The following NOTCH2NLA variants were observed in gnomAD, a reference collection of about 807,000 sequenced individuals.
NOTCH2NLA encodes the protein notch 2 N-terminal like A.
At chr1:146,159,365 G>C (rs1331942210) in intron 3 of NOTCH2NLA, among the ~76,000 whole-genome samples, 1 of 145,078 alleles carries the variant, frequency 6.9e-6, no homozygotes, top group African/African-American at 2.6e-5. Context: ...GAAAGAGAGA[G>C]GGAAAGAGAG....
chr1:146,224,220 A>C (rs1454099258), intron 1 of NOTCH2NLA, among the ~76,000 whole-genome samples: 6 of 121,498 alleles, frequency 4.9e-5, no homozygotes, highest in Admixed American at 9.2e-5. Context: ...TATCAAAATA[A>C]ATATAAACTT....
At chr1:146,186,425 G>A (rs1451390224) in intron 2 of NOTCH2NLA, among the ~76,000 whole-genome samples, 2 of 143,288 alleles carry the variant, frequency 1.4e-5, no homozygotes, top group African/African-American at 5.0e-5. Flanking sequence ...TGCAATCTTG[G>A]CTCACTGCAA....
At chr1:146,182,374 T>C (rs1662571976) in intron 2 of NOTCH2NLA, among the ~76,000 whole-genome samples, 1 of 135,760 alleles carries the variant, frequency 7.4e-6, no homozygotes, top group Non-Finnish European at 1.7e-5. Context: ...TTATTTAACT[T>C]CTCTTAGCTT....
intron 2 of NOTCH2NLA, among the ~76,000 whole-genome samples, chr1:146,174,387 GCT>G (rs10560332): frequency 0.14 from 15,349 of 111,426 alleles, 324 homozygotes; most frequent in African/African-American, 0.32. Flanking sequence ...CTTTGCTGCA[GCT>G]CTGTCTTTAG....
At chr1:146,153,956 A>G (rs1661015666), downstream of NOTCH2NLA, 2 of 140,036 alleles carry the variant, frequency 1.4e-5, no homozygotes, top group South Asian at 4.7e-4. Context: ...GGGACCCTGA[A>G]AAGCAAGAAC....
intron 3 of NOTCH2NLA, among the ~76,000 whole-genome samples, chr1:146,159,419 G>GAAAGAA (rs1661361612): frequency 6.7e-6 from 1 of 148,676 alleles, no homozygotes; most frequent in Admixed American, 6.7e-5. Context: ...AAGAAAGAAA[G>GAAAGAA]AAAGAAAGAA....
intron 2 of NOTCH2NLA, among the ~76,000 whole-genome samples, chr1:146,172,639 C>T (rs1169973117): frequency 2.6e-5 from 4 of 151,544 alleles, no homozygotes; most frequent in African/African-American, 7.3e-5. Context: ...CTGCTGTAAA[C>T]CTGTCCTATA....
At chr1:146,159,429 A>AAGAAAGAAAGAAAGAAAG (rs1644300087) in intron 3 of NOTCH2NLA, among the ~76,000 whole-genome samples, 1 of 150,378 alleles carries the variant, frequency 6.6e-6, no homozygotes, top group East Asian at 2.0e-4. Context: ...GAAAGAAAGA[A>AAGAAAGAAAGAAAGAAAG]AGAAAGAAAG....
chr1:146,170,643 CTAAAT>C (rs1164626428), intron 2 of NOTCH2NLA, among the ~76,000 whole-genome samples: 2 of 104,702 alleles, frequency 1.9e-5, no homozygotes, highest in Non-Finnish European at 3.7e-5. Context: ...CTGAAGTCTA[CTAAAT>C]TAAACACTTT....
intron 2 of NOTCH2NLA, among the ~76,000 whole-genome samples, chr1:146,185,924 CTTCT>C (rs1336403164): frequency 2.9e-5 from 4 of 135,596 alleles, no homozygotes; most frequent in African/African-American, 1.0e-4. Flanking sequence ...GCTAGATCAT[CTTCT>C]TTCTCCACAG....
At chr1:146,159,104 T>A (rs1450332254) in intron 3 of NOTCH2NLA, among the ~76,000 whole-genome samples, 3 of 152,180 alleles carry the variant, frequency 2.0e-5, no homozygotes, top group African/African-American at 7.2e-5. Context: ...ATGCCTGTAA[T>A]CCCAGCACTT....
At chr1:146,154,024 C>A (rs1173104449), downstream of NOTCH2NLA, 2 of 100,488 alleles carry the variant, frequency 2.0e-5, no homozygotes. Context: ...CACACACACA[C>A]ACACACACAC....
At chr1:146,162,402 C>G (rs1661556022) in intron 3 of NOTCH2NLA, among the ~76,000 whole-genome samples, 1 of 148,954 alleles carries the variant, frequency 6.7e-6, no homozygotes, top group Non-Finnish European at 1.5e-5. Flanking sequence ...GTGGTTAAAA[C>G]TGAGTGTGTC....
chr1:146,197,052 G>GA (rs369253629), intron 1 of NOTCH2NLA, among the ~76,000 whole-genome samples: 1 of 1,996 alleles, frequency 5.0e-4, no homozygotes, highest in South Asian at 0.014. Flanking sequence ...TGATTAAAAG[G>GA]AAAAAAAAAA....
intron 3 of NOTCH2NLA, among the ~76,000 whole-genome samples, chr1:146,158,368 A>C: frequency 6.8e-6 from 1 of 147,898 alleles, no homozygotes. Context: ...TCCTGTGTCC[A>C]AGTGTTCTCA....
rs78103010 is a variant in NOTCH2NLA at position 146,207,822 on chromosome 1, T to A, written c.-44-18441A>T. On this transcript the variant is annotated intron_variant, in intron 1 of 4. Coordinates refer to ENST00000362074, the Ensembl canonical transcript of NOTCH2NLA. ...CAGGCCCAATACCACTTTCTTTTTT[T>A]TTTTTTTTTTTTTTTTGGAGACAGG... Among the ~76,000 whole-genome samples, 137 of 84,280 alleles carry A rather than the reference T, an allele frequency of 1.6e-3. 3 individuals carry two copies. Among genetic ancestry groups the A allele is most frequent in the African/African-American group, 5.5e-3 (128 of 23,378 alleles). The allele number at this position is 84,280 out of a possible 152,430, so 55.3% of individuals were successfully genotyped here.
At chr1:146,180,668 C>T (rs1434761882) in intron 2 of NOTCH2NLA, among the ~76,000 whole-genome samples, 6 of 143,226 alleles carry the variant, frequency 4.2e-5, no homozygotes, top group African/African-American at 1.2e-4. Context: ...ATAACACAGT[C>T]GCATGTGCAC....
chr1:146,159,431 G>GAAAGAA (rs1349434709), intron 3 of NOTCH2NLA, among the ~76,000 whole-genome samples: 3 of 149,712 alleles, frequency 2.0e-5, no homozygotes, highest in Non-Finnish European at 4.5e-5. Flanking sequence ...AAGAAAGAAA[G>GAAAGAA]AAAGAAAGAA....
intron 2 of NOTCH2NLA, among the ~76,000 whole-genome samples, chr1:146,170,985 C>T (rs2596042): frequency 2.9e-5 from 4 of 140,244 alleles, no homozygotes; most frequent in Non-Finnish European, 4.9e-5. Flanking sequence ...GGTATATACC[C>T]GAAGTAACTG....
Sources: allele counts gnomAD v4.1 joint callset (sites outside exome capture counted in the v4.1 genomes callset), GRCh38; gene constraint gnomAD v4.1.1; transcripts MANE v1.5; gene names NCBI Gene and HGNC (gene_info 2026-07-23, HGNC 2026-07-21).